The following ATP7B variants were observed in gnomAD, a reference collection of about 807,000 sequenced individuals.
The protein encoded by ATP7B is ATPase copper transporting beta.
A neutral mutation model predicts 118.9 loss-of-function variants in ATP7B; 113 were observed. The ratio of observed to expected loss-of-function variants is 0.95; its 90% CI spans 0.82 to 1.11. ATP7B has a LOEUF of 1.11. Among genes scored for constraint, ATP7B ranks in the 50% most tolerant of loss-of-function variants. ATP7B has a pLI of 0.00. For synonymous variants in ATP7B, 777 were observed against 727.4 expected (o/e 1.07, Z -1.10); for missense variants, 1,867 against 1,871.4 (o/e 1.00, Z 0.04).
At chr13:51,998,045 A>G (rs1953298653) in intron 1 of ATP7B, among the ~76,000 whole-genome samples, 1 of 151,886 alleles carries the variant, frequency 6.6e-6, no homozygotes, top group African/African-American at 2.4e-5. Flanking sequence ...CTCACACCTG[A>G]CCCTGGCTTC....
intron 20 of ATP7B, among the ~76,000 whole-genome samples, chr13:51,935,247 CACTA>C (rs1956888931): frequency 6.6e-6 from 1 of 152,180 alleles, no homozygotes; most frequent in South Asian, 2.1e-4. Context: ...TGTAGGCTGC[CACTA>C]ACTTTTGTTA....
intron 4 of ATP7B, among the ~76,000 whole-genome samples, chr13:51,967,959 G>A (rs898489090): frequency 1.3e-5 from 2 of 152,194 alleles, no homozygotes; most frequent in African/African-American, 2.4e-5. Context: ...CTCAGACTGA[G>A]TGTTGTGGAG....
upstream of ATP7B, among the ~76,000 whole-genome samples, chr13:52,011,713 A>G (rs546709526): frequency 5.9e-5 from 9 of 152,288 alleles, no homozygotes; most frequent in South Asian, 1.0e-3. Context: ...CAGTGCCACA[A>G]TGTCCTCTGC....
intron 1 of ATP7B, among the ~76,000 whole-genome samples, chr13:52,001,673 T>C (rs574836657): frequency 1.3e-5 from 2 of 152,322 alleles, no homozygotes; most frequent in South Asian, 4.1e-4. Flanking sequence ...CATCCTTCCC[T>C]GTCTTATTTT....
In ATP7B at chr13:51,934,542, T is replaced by C. The variant is rs971506472; in HGVS notation, c.*214A>G. 2.9e-6 allele frequency: 2 copies of C among 701,386 alleles called. No homozygotes were observed. Among genetic ancestry groups the C allele is most frequent in the Non-Finnish European group, 4.8e-6 (2 of 420,832 alleles). The allele number at this position is 701,386 out of a possible 1,614,324, so 43.4% of individuals were successfully genotyped here. A position where few individuals can be genotyped will look rare whatever the true frequency, so the allele number is the denominator to read the frequency against. ...GACAAAGCCCATGCTGACGGTCCCG[T>C]GAGGCCAAGAGGCAGGCAGGGCCGT... On this transcript the variant is annotated 3_prime_UTR_variant, in exon 21 of 21. Coordinates refer to ENST00000242839, the MANE Select transcript of ATP7B (RefSeq NM_000053.4).
chr13:52,011,601 A>G (rs1954040970), upstream of ATP7B: 1 of 589,776 alleles, frequency 1.7e-6, no homozygotes, highest in Non-Finnish European at 3.1e-6. Context: ...TGAGAGCGTG[A>G]GGGGAGAGTG....
chr13:51,986,850 C>G lies in ATP7B; in HGVS notation c.52-11682G>C, dbSNP rs1199864533. Among the ~76,000 whole-genome samples, 3 of 152,246 alleles carry G rather than the reference C, an allele frequency of 2.0e-5. No individual in the cohort carries two copies. In the East Asian group the frequency reaches 5.8e-4, roughly 29 times the overall value. ...TTATCTCAATAGACGCAGAGAAGAC[C>G]TTCGAAAAAATTCAACACCCCTTCA... On this transcript the variant is annotated intron_variant, in intron 1 of 20. Coordinates refer to ENST00000242839, the MANE Select transcript of ATP7B (RefSeq NM_000053.4).
chr13:51,953,742 C>T (rs533533304), intron 9 of ATP7B, among the ~76,000 whole-genome samples: 3 of 151,850 alleles, frequency 2.0e-5, no homozygotes, highest in African/African-American at 7.2e-5. Flanking sequence ...TGTCTCCTCT[C>T]TTCTACTCCC....
At chr13:52,006,982 C>T (rs1430822887) in intron 1 of ATP7B, among the ~76,000 whole-genome samples, 1 of 151,946 alleles carries the variant, frequency 6.6e-6, no homozygotes, top group Non-Finnish European at 1.5e-5. Context: ...CTATGCATCC[C>T]CCTGCTTGGC....
intron 1 of ATP7B, among the ~76,000 whole-genome samples, chr13:51,982,746 G>A (rs953685597): frequency 2.0e-5 from 3 of 152,234 alleles, no homozygotes; most frequent in Admixed American, 2.0e-4. Context: ...TAAACAGCGG[G>A]TACAGCCCAT....
At chr13:51,942,265 G>C in intron 15 of ATP7B, 121 bp downstream of exon 15, 1 of 1,461,506 alleles carries the variant, frequency 6.8e-7, no homozygotes, top group Non-Finnish European at 9.4e-7. Context: ...AGGCAGGCTT[G>C]GGTGCCTTAG....
intron 1 of ATP7B, among the ~76,000 whole-genome samples, chr13:52,001,428 A>T (rs1953487727): frequency 6.6e-6 from 1 of 150,960 alleles, no homozygotes; most frequent in Non-Finnish European, 1.5e-5. Flanking sequence ...TTATCCTCAC[A>T]CTCCTGGCCC....
intron 4 of ATP7B, among the ~76,000 whole-genome samples, chr13:51,966,354 T>C (rs1254884039): frequency 6.6e-6 from 1 of 152,218 alleles, no homozygotes; most frequent in African/African-American, 2.4e-5. Flanking sequence ...ATCTGCAGCA[T>C]GAGGTGAGTC....
chr13:51,951,753 T>C (rs187681551), intron 9 of ATP7B, among the ~76,000 whole-genome samples: 5 of 152,130 alleles, frequency 3.3e-5, no homozygotes, highest in African/African-American at 9.6e-5. Context: ...CACAAGTAGT[T>C]CCACAGGGGC....
chr13:51,955,030 G>A (rs1327842401), intron 9 of ATP7B, among the ~76,000 whole-genome samples: 4 of 152,158 alleles, frequency 2.6e-5, no homozygotes, highest in Admixed American at 6.5e-5. Context: ...CAGACGGATC[G>A]CACCTAGAAA....
rs201483366 is a variant in ATP7B, at chr13:51,934,835, C to A, written c.4319G>T (p.Arg1440Leu). 2 of 1,614,206 alleles carry A rather than the reference C, an allele frequency of 1.2e-6. No homozygotes were observed. The highest frequency in any genetic ancestry group is 2.7e-5 in the African/African-American group (2 of 75,048). The change falls in exon 21 of 21, where the codon CGG becomes CTG. Residue 1440 changes from arginine (R) to leucine (L), a missense_variant. Physicochemically the swap from Arg to Leu is moderately radical, Grantham distance 102. Transcript: ENST00000242839. ...LSSLTSDKPS[R>L]HSAAADDDGD... ...ATCATCGTCTGCTGCAGCGCTGTGC[C>A]GAGATGGCTTGTCGGACGTCAGGGA...
Position 51,968,614 on chromosome 13 carries a change from C to T in ATP7B, c.1544-7G>A. 6.2e-7 allele frequency: 1 copy of T among 1,613,992 alleles called. No individual in the cohort carries two copies. The highest frequency in any genetic ancestry group is 1.1e-5 in the South Asian group (1 of 91,078). On this transcript the variant is annotated splice_polypyrimidine_tract_variant and splice_region_variant and intron_variant, in intron 3 of 20. Transcript: ENST00000242839. The stretch of plus-strand genomic sequence containing the variant: ...ACCAACACGGAGAGAACACCTGGAA[C>T]CATCAGGTCATGGCTGTAACACTCT...
In ATP7B at chr13:51,934,947, G is replaced by A. The variant is rs572639840; in HGVS notation, c.4207C>T (p.His1403Tyr). The A allele has an allele frequency of 2.5e-6, 4 of 1,614,064 alleles. No individual in the cohort carries two copies. The highest frequency in any genetic ancestry group is 2.5e-6 in the Non-Finnish European group (3 of 1,180,052). Residue 1403 changes from histidine (H) to tyrosine (Y), a missense_variant, in exon 21 of 21, where the codon CAC (histidine) becomes TAC (tyrosine). Physicochemically the swap from His to Tyr is moderately conservative, Grantham distance 83 (BLOSUM62 2). Transcript: ENST00000242839. ...KPLTASQVSV[H>Y]IGMDDRWRDS... ...CGCCACCTGTCATCCATGCCTATGT[G>A]CACACTGACCTGGGATGCCGTCAGG...
chr13:52,009,553 C>A (rs761197957), intron 1 of ATP7B, among the ~76,000 whole-genome samples: 50 of 152,186 alleles, frequency 3.3e-4, no homozygotes, highest in Non-Finnish European at 6.0e-4. Context: ...GTGGCAACCA[C>A]CTTGCCTTCC....
Sources: gnomAD v4.1 joint callset for allele counts (sites outside exome capture counted in the v4.1 genomes callset) on GRCh38, gnomAD v4.1.1 for gene constraint, MANE v1.5 for transcripts, NCBI Gene and HGNC (gene_info 2026-07-23, HGNC 2026-07-21) for gene names.